The following ADCY8 variants were observed in gnomAD, a reference collection of about 807,000 sequenced individuals.
ADCY8 encodes adenylate cyclase 8, also known as adenylate cyclase type 8.
Under a neutral mutation model 119.7 loss-of-function variants are expected in ADCY8, and 51 were observed. The observed-to-expected ratio is 0.43, with a 90% CI of 0.34 to 0.54. The LOEUF (loss-of-function observed/expected upper bound fraction) is 0.54. Among genes scored for constraint, ADCY8 ranks in the 20% least tolerant of loss-of-function variants. The pLI is 0.03. For synonymous variants in ADCY8, 665 were observed against 651.0 expected (o/e 1.02, Z -0.33); for missense variants, 1,383 against 1,598.8 (o/e 0.87, Z 2.30).
chr8:130,911,284 T>C (rs1819972445), intron 5 of ADCY8, among the ~76,000 whole-genome samples: 1 of 152,224 alleles, frequency 6.6e-6, no homozygotes, highest in African/African-American at 2.4e-5. Flanking sequence ...AGTTATGTTA[T>C]ATCATCTATC....
intron 3 of ADCY8, among the ~76,000 whole-genome samples, chr8:130,951,319 T>G (rs1276579469): frequency 6.6e-6 from 1 of 152,222 alleles, no homozygotes; most frequent in African/African-American, 2.4e-5. Flanking sequence ...CATGCCATGT[T>G]GTCCAGTGTT....
intron 8 of ADCY8, among the ~76,000 whole-genome samples, chr8:130,873,449 G>T (rs1818439908): frequency 6.6e-6 from 1 of 152,056 alleles, no homozygotes; most frequent in South Asian, 2.1e-4. Flanking sequence ...CTCTTATGCA[G>T]CTGGGATTAC....
intron 3 of ADCY8, among the ~76,000 whole-genome samples, chr8:130,944,700 C>T (rs981939392): frequency 3.9e-5 from 6 of 152,138 alleles, no homozygotes; most frequent in African/African-American, 1.2e-4. Context: ...GGGATTTTTA[C>T]CTTCCGCAAA....
At position 131,040,227 on chromosome 8, in the gene ADCY8, A is replaced by G; in HGVS notation, c.107T>C (p.Leu36Pro). ...GTGTCGCACCGCCGTCTGCCACAGC[A>G]GCCGCTGCGGCCGGGAGGCGCTCCT... ...DGRSASRPQR[L>P]LWQTAVRHIT... The change falls in exon 1 of 18, where the codon CTG (leucine) becomes CCG (proline). Residue 36 changes from leucine to proline, a missense_variant. Coordinates refer to ENST00000286355, the MANE Select transcript of ADCY8 (RefSeq NM_001115.3). 3.9e-6 allele frequency: 6 copies of G among 1,541,600 alleles called. No homozygotes were observed. Among genetic ancestry groups the G allele is most frequent in the Non-Finnish European group, 5.2e-6 (6 of 1,150,178 alleles).
intron 16 of ADCY8, among the ~76,000 whole-genome samples, chr8:130,785,125 C>T (rs1253944509): frequency 6.6e-6 from 1 of 152,204 alleles, no homozygotes; most frequent in Non-Finnish European, 1.5e-5. Flanking sequence ...TATTTCTGGG[C>T]TCTTGATTTT....
At chr8:130,842,798 G>A (rs998080352) in intron 11 of ADCY8, among the ~76,000 whole-genome samples, 4 of 150,772 alleles carry the variant, frequency 2.7e-5, no homozygotes, top group Non-Finnish European at 5.9e-5. Flanking sequence ...CTTGAACCTG[G>A]GAAGTGGATG....
At chr8:130,860,408 A>G (rs978798625) in intron 9 of ADCY8, among the ~76,000 whole-genome samples, 2 of 152,150 alleles carry the variant, frequency 1.3e-5, no homozygotes, top group Non-Finnish European at 2.9e-5. Context: ...AATTTCAGTA[A>G]AGTCTGACTT....
chr8:130,808,911 A>C (rs886346819), intron 14 of ADCY8, among the ~76,000 whole-genome samples: 1 of 152,178 alleles, frequency 6.6e-6, no homozygotes, highest in Non-Finnish European at 1.5e-5. Flanking sequence ...TCATAAAGCC[A>C]TGATGAGCCA....
chr8:130,956,307 T>C (rs1267825634), intron 2 of ADCY8, among the ~76,000 whole-genome samples: 1 of 152,216 alleles, frequency 6.6e-6, no homozygotes, highest in Non-Finnish European at 1.5e-5. Context: ...ACATCCTCTA[T>C]TCTGAGCAGG....
At chr8:130,877,183 T>C (rs1026628634) in intron 8 of ADCY8, among the ~76,000 whole-genome samples, 5 of 152,236 alleles carry the variant, frequency 3.3e-5, no homozygotes, top group Admixed American at 2.6e-4. Flanking sequence ...TTGCAATTCA[T>C]TGCAGCCTCC....
chr8:131,004,696 G>T (rs1411181), intron 1 of ADCY8, among the ~76,000 whole-genome samples: 2 of 152,116 alleles, frequency 1.3e-5, no homozygotes, highest in African/African-American at 2.4e-5. Flanking sequence ...AGGGTTATAC[G>T]TATGTGGACC....
chr8:130,916,814 T>C (rs1820144335), intron 5 of ADCY8, among the ~76,000 whole-genome samples: 1 of 152,238 alleles, frequency 6.6e-6, no homozygotes, highest in South Asian at 2.1e-4. Flanking sequence ...GAAACAATGC[T>C]AATGATTGCT....
rs565457496 is a variant in ADCY8 at position 130,809,587 on chromosome 8, T to A, written c.2913+4482A>T. 1.2e-3 allele frequency among the ~76,000 whole-genome samples: 13 copies of A among 11,136 alleles called. No homozygotes were observed. In the East Asian group the frequency reaches 0.021, roughly 18 times the overall value. 7.3% of individuals were successfully genotyped at this position (11,136 alleles called of 152,430 possible). A position where few individuals can be genotyped will look rare whatever the true frequency, so the allele number is the denominator to read the frequency against. On this transcript the variant is annotated intron_variant, in intron 14 of 17. Coordinates refer to ENST00000286355, the MANE Select transcript of ADCY8 (RefSeq NM_001115.3). The stretch of plus-strand genomic sequence containing the variant: ...CCTCCACCTCCTTGACTGATTAACA[T>A]CTGGTCCTAGGAGGGTAAGAATTAG...
At chr8:130,865,561 A>AGT (rs1356932886) in intron 9 of ADCY8, among the ~76,000 whole-genome samples, 1 of 152,116 alleles carries the variant, frequency 6.6e-6, no homozygotes, top group Admixed American at 6.6e-5. Flanking sequence ...TATTTTTTAT[A>AGT]ATAGTATAGT....
chr8:130,850,696 G>A (rs1051434931), intron 9 of ADCY8, among the ~76,000 whole-genome samples: 30 of 152,040 alleles, frequency 2.0e-4, no homozygotes, highest in African/African-American at 7.2e-4. Context: ...ATAAATTGAG[G>A]TTTATTCATC....
intron 12 of ADCY8, among the ~76,000 whole-genome samples, chr8:130,824,619 G>A (rs947245606): frequency 2.0e-5 from 3 of 152,182 alleles, no homozygotes; most frequent in African/African-American, 7.2e-5. Flanking sequence ...CACGAAGGTC[G>A]TGTGATGTTG....
At chr8:130,970,817 C>T (rs796885893) in intron 2 of ADCY8, among the ~76,000 whole-genome samples, 6 of 152,206 alleles carry the variant, frequency 3.9e-5, no homozygotes, top group African/African-American at 1.4e-4. Context: ...AAAACAGACC[C>T]GTTAGGTTAT....
chr8:130,984,513 G>A (rs1159204718), intron 2 of ADCY8, among the ~76,000 whole-genome samples: 1 of 151,568 alleles, frequency 6.6e-6, no homozygotes, highest in Non-Finnish European at 1.5e-5. Flanking sequence ...AGATCGTAAG[G>A]AAAGTGGAGA....
At chr8:130,936,647 C>T (rs1291110302) in intron 5 of ADCY8, among the ~76,000 whole-genome samples, 1 of 152,196 alleles carries the variant, frequency 6.6e-6, no homozygotes, top group East Asian at 1.9e-4. Flanking sequence ...TCCCCAACAT[C>T]CTACGTTGAA....
Sources: allele counts gnomAD v4.1 joint callset (sites outside exome capture counted in the v4.1 genomes callset), GRCh38; gene constraint gnomAD v4.1.1; transcripts MANE v1.5; gene names NCBI Gene and HGNC (gene_info 2026-07-23, HGNC 2026-07-21).